Variants in SS18L1 observed in about 807,000 individuals in gnomAD.
SS18L1 encodes the protein calcium-responsive transactivator.
Under a neutral mutation model 70.3 loss-of-function variants are expected in SS18L1, and 32 were observed. The ratio of observed to expected loss-of-function variants is 0.46; its 90% CI spans 0.34 to 0.61. SS18L1 has a LOEUF of 0.61. SS18L1 is among the 20% of genes least tolerant of loss of function. The pLI, the probability that SS18L1 is intolerant of heterozygous loss-of-function variation, is 0.01. For missense variants in SS18L1, 430 were observed against 542.1 expected (o/e 0.79, Z 2.05); for synonymous variants, 237 against 229.7 (o/e 1.03, Z -0.29).
At chr20:62,149,746 G>A (rs2057094180) in intron 1 of SS18L1, among the ~76,000 whole-genome samples, 1 of 152,242 alleles carries the variant, frequency 6.6e-6, no homozygotes, top group African/African-American at 2.4e-5. Context: ...CACTCAACGA[G>A]CAAGGAATGG....
intron 1 of SS18L1, among the ~76,000 whole-genome samples, chr20:62,152,968 G>C (rs2057160449): frequency 6.6e-6 from 1 of 152,162 alleles, no homozygotes. Flanking sequence ...ATGGGCGTGT[G>C]TGTTAGTTGT....
chr20:62,166,480 C>T (rs1601034207), intron 8 of SS18L1, among the ~76,000 whole-genome samples: 1 of 152,218 alleles, frequency 6.6e-6, no homozygotes, highest in Non-Finnish European at 1.5e-5. Flanking sequence ...TTACACATCT[C>T]AGCCTGCTGT....
rs2057337988 is a variant in SS18L1, at chr20:62,161,937, C to T, written c.376+357C>T. Among the ~76,000 whole-genome samples, 1 of 152,218 alleles carries T rather than the reference C, an allele frequency of 6.6e-6. No homozygotes were observed. The highest frequency in any genetic ancestry group is 2.1e-4 in the South Asian group (1 of 4,838). On this transcript the variant is annotated intron_variant, in intron 4 of 10. Coordinates refer to ENST00000331758, the MANE Select transcript of SS18L1 (RefSeq NM_198935.3). The surrounding 1 kb of genome is among the most constrained non-coding windows in gnomAD (Gnocchi z 4.4). ...TTGGAGACCATTAACAGTAATATAA[C>T]AGGCCGGGTGTGGTGGCTCAGATCT... is the stretch of plus-strand genomic sequence containing the variant.
At chr20:62,176,140 CTT>C (rs1342943512) in intron 10 of SS18L1, among the ~76,000 whole-genome samples, 1 of 152,244 alleles carries the variant, frequency 6.6e-6, no homozygotes, top group Non-Finnish European at 1.5e-5. Context: ...CTGAAAATAA[CTT>C]ATTTGGATTT....
rs535859517 is a variant in SS18L1 at position 62,162,837 on chromosome 20, C to T, written c.462C>T (p.His154=). ...GCATCTCTGGGCCCGGCTACAGCCA[C>T]GCGGGACCCGCCTCGCAGGGCGTCC... is the stretch of plus-strand genomic sequence containing the variant. ...SMSISGPGYS[H]AGPASQGVPM... Residue 154 remains histidine (H), a synonymous_variant, in exon 5 of 11, where the codon CAC becomes CAT. Transcript: ENST00000331758. The T allele has an allele frequency of 1.9e-5, 31 of 1,612,858 alleles. No homozygotes were observed. The Middle Eastern group carries it at 1.5e-3, about 77-fold the overall frequency.
chr20:62,155,715 A>G (rs2057210549), intron 1 of SS18L1, among the ~76,000 whole-genome samples: 1 of 152,136 alleles, frequency 6.6e-6, no homozygotes, highest in Admixed American at 6.5e-5. Flanking sequence ...GCGACCCTGA[A>G]AGGTGCCAGA....
chr20:62,166,522 A>G (rs552124320), intron 8 of SS18L1, among the ~76,000 whole-genome samples: 32 of 152,332 alleles, frequency 2.1e-4, no homozygotes, highest in African/African-American at 7.5e-4. Flanking sequence ...GTAGGCACAT[A>G]TAGAAACATC....
At chr20:62,170,624 T>G (rs1329848901) in intron 8 of SS18L1, among the ~76,000 whole-genome samples, 3 of 152,274 alleles carry the variant, frequency 2.0e-5, no homozygotes, top group Admixed American at 1.3e-4. Context: ...CCTGCAGATT[T>G]CATGCAACAC....
rs1031403122 is a variant in SS18L1 at position 62,151,413 on chromosome 20, G to A, written c.70-7259G>A. 1.1e-4 allele frequency among the ~76,000 whole-genome samples: 17 copies of A among 152,146 alleles called. No individual in the cohort carries two copies. In the East Asian group the frequency reaches 2.3e-3, roughly 21 times the overall value. Reference sequence around the variant, plus strand: ...GTCCATTGCCATGGCCGTGGCTTCCGTGCCCCTTGGGTTTGTCTCCCTGTG... The same window carrying A: ...GTCCATTGCCATGGCCGTGGCTTCCATGCCCCTTGGGTTTGTCTCCCTGTG... On this transcript the variant is annotated intron_variant, in intron 1 of 10. Coordinates refer to ENST00000331758, the MANE Select transcript of SS18L1 (RefSeq NM_198935.3).
At chr20:62,170,902 TTTTG>T (rs1371316440) in intron 8 of SS18L1, among the ~76,000 whole-genome samples, 1 of 151,688 alleles carries the variant, frequency 6.6e-6, no homozygotes, top group Non-Finnish European at 1.5e-5. Flanking sequence ...TATTTTTTTT[TTTTG>T]TTTATGTTTT....
At chr20:62,154,441 C>A in intron 1 of SS18L1, 1 of 1,036,592 alleles carries the variant, frequency 9.6e-7, no homozygotes, top group Non-Finnish European at 1.2e-6. Context: ...AGGATCAGAC[C>A]GTAGCCCTTC....
intron 10 of SS18L1, chr20:62,175,208 TG>T: frequency 7.2e-6 from 7 of 978,034 alleles, no homozygotes; most frequent in Non-Finnish European, 8.5e-6. Flanking sequence ...CCAGGAACAG[TG>T]AGCAGGGCTT....
chr20:62,177,397 G>C (rs886216948), intron 10 of SS18L1, among the ~76,000 whole-genome samples: 2 of 152,176 alleles, frequency 1.3e-5, no homozygotes, highest in African/African-American at 4.8e-5. Context: ...ACCCAATGGT[G>C]CAGGAGCAGA....
At chr20:62,149,127 C>A (rs1600988456) in intron 1 of SS18L1, among the ~76,000 whole-genome samples, 1 of 152,362 alleles carries the variant, frequency 6.6e-6, no homozygotes, top group East Asian at 1.9e-4. Flanking sequence ...TCCCTGGAAT[C>A]CCCGGGCTGC....
In SS18L1 at chr20:62,159,010, G is replaced by T. The variant is rs537537511; in HGVS notation, c.146+262G>T. ...TGTCCCGAGAGTCCCCCAGCACGGA[G>T]GCCAGATATGTCCCGAGAGTCCCCC... On this transcript the variant is annotated intron_variant, in intron 2 of 10. Coordinates refer to ENST00000331758, the MANE Select transcript of SS18L1 (RefSeq NM_198935.3). The surrounding 1 kb of genome is among the most constrained non-coding windows in gnomAD (Gnocchi z 4.4). 14 of 1,493,140 alleles carry T rather than the reference G, an allele frequency of 9.4e-6. No individual in the cohort carries two copies. The highest frequency in any genetic ancestry group is 3.6e-6 in the Non-Finnish European group (4 of 1,109,326). The allele number at this position is 1,493,140 out of a possible 1,614,324, so 92.5% of individuals were successfully genotyped here.
At chr20:62,178,240 A>G (rs1322597420) in intron 10 of SS18L1, among the ~76,000 whole-genome samples, 2 of 141,252 alleles carry the variant, frequency 1.4e-5, no homozygotes, top group Admixed American at 7.5e-5. Flanking sequence ...TCCACCTCTC[A>G]GGCCCAGTGA....
chr20:62,145,489 G>C (rs2057008689), intron 1 of SS18L1, among the ~76,000 whole-genome samples: 1 of 152,208 alleles, frequency 6.6e-6, no homozygotes, highest in South Asian at 2.1e-4. Flanking sequence ...CTGGCACTCT[G>C]GTTTTTTGGA....
At chr20:62,154,444 A>G (rs2057186908) in intron 1 of SS18L1, 1 of 1,035,454 alleles carries the variant, frequency 9.7e-7, no homozygotes, top group Admixed American at 5.7e-5. Context: ...ATCAGACCGT[A>G]GCCCTTCCGG....
At position 62,143,775 on chromosome 20, in the gene SS18L1, G is replaced by T; in HGVS notation, c.-46G>T. ...GCGCCTCGGGCCGCCCAGCGCAGCC[G>T]GAGTATCCACCTCGATGACCACGGG... On this transcript the variant is annotated 5_prime_UTR_variant, in exon 1 of 11. Transcript: ENST00000331758. The T allele has an allele frequency of 7.8e-7, 1 of 1,282,388 alleles. No individual in the cohort carries two copies. The highest frequency in any genetic ancestry group is 1.0e-6 in the Non-Finnish European group (1 of 979,700). 79.4% of individuals were successfully genotyped at this position (1,282,388 alleles called of 1,614,324 possible).
Sources: allele counts gnomAD v4.1 joint callset (sites outside exome capture counted in the v4.1 genomes callset), GRCh38; gene constraint gnomAD v4.1.1; non-coding constraint Gnocchi (gnomAD v3.1); transcripts MANE v1.5; gene names NCBI Gene and HGNC (gene_info 2026-07-23, HGNC 2026-07-21).